KDM2A: variants seen among roughly 807,000 people sequenced by gnomAD.
KDM2A encodes lysine-specific demethylase 2A.
A neutral mutation model predicts 137.3 loss-of-function variants in KDM2A; 3 were observed. The ratio of observed to expected loss-of-function variants is 0.02; its 90% confidence interval spans 0.01 to 0.06. KDM2A has a LOEUF of 0.06. KDM2A is among the 10% of genes least tolerant of loss of function. The pLI is 1.00. For missense variants in KDM2A, 738 were observed against 1,510.6 expected (o/e 0.49, Z 8.48); for synonymous variants, 512 against 541.5 (o/e 0.95, Z 0.76).
rs202025193 is a variant in KDM2A, at chr11:67,250,350, C to T, written c.2320C>T (p.Arg774Trp). 3.5e-5 allele frequency: 57 copies of T among 1,613,800 alleles called. No homozygotes were observed. The highest frequency in any genetic ancestry group is 4.7e-5 in the Non-Finnish European group (55 of 1,179,896). ...RLQATERTMV[R>W]EKENNPSGKK... Reference sequence around the variant, plus strand: ...GCAGGCCACAGAGCGCACCATGGTACGGGAAAAGGAGAACAATCCCAGCGG... The same window carrying T: ...GCAGGCCACAGAGCGCACCATGGTATGGGAAAAGGAGAACAATCCCAGCGG... Residue 774 changes from arginine to tryptophan, a missense_variant, in exon 17 of 21, where the codon CGG becomes TGG. Coordinates refer to ENST00000529006, the MANE Select transcript of KDM2A (RefSeq NM_012308.3). This position sits in a 1 kb window ranked among gnomAD's most constrained non-coding sequence, Gnocchi z 7.1.
intron 5 of KDM2A, among the ~76,000 whole-genome samples, chr11:67,199,805 A>G (rs2136365867): frequency 6.6e-6 from 1 of 152,286 alleles, no homozygotes; most frequent in Non-Finnish European, 1.5e-5. Context: ...TAAACAACAG[A>G]TTTTCCATGT....
At position 67,245,458 on chromosome 11, in the gene KDM2A, A is replaced by G. The variant is rs887572949; in HGVS notation, c.1833A>G (p.Ala611=). ...KQSCVLRQCL[A]PRLPHSVTCS... is the part of the protein sequence containing the mutation. ...CCTGTGTCCTCCGACAGTGCTTGGCAGTGAGTGATCTGCTGGGTAAAGAAT... is the reference window on the plus strand; with the variant it reads ...CCTGTGTCCTCCGACAGTGCTTGGCGGTGAGTGATCTGCTGGGTAAAGAAT... The change falls in exon 14 of 21, where the codon GCA becomes GCG. Residue 611 remains alanine, a splice_region_variant and synonymous_variant. Transcript: ENST00000529006. The surrounding 1 kb of genome is among the most constrained non-coding windows in gnomAD (Gnocchi z 4.1). 1.2e-6 allele frequency: 2 copies of G among 1,612,724 alleles called. No homozygotes were observed. The highest frequency in any genetic ancestry group is 1.7e-6 in the Non-Finnish European group (2 of 1,179,450).
chr11:67,209,165 T>A (rs958564944), intron 6 of KDM2A, among the ~76,000 whole-genome samples: 8 of 151,854 alleles, frequency 5.3e-5, no homozygotes, highest in African/African-American at 1.9e-4. Context: ...ACTCCTGACC[T>A]CAAGTGATCG....
intron 5 of KDM2A, among the ~76,000 whole-genome samples, chr11:67,189,565 C>T (rs1401655630): frequency 2.6e-5 from 4 of 151,994 alleles, no homozygotes; most frequent in South Asian, 2.1e-4. Context: ...CTCGGCCGGG[C>T]GAGGTGGCTC....
chr11:67,209,249 G>A (rs780050547), intron 6 of KDM2A, among the ~76,000 whole-genome samples: 1 of 151,724 alleles, frequency 6.6e-6, no homozygotes, highest in Non-Finnish European at 1.5e-5. Context: ...AACTATTTTT[G>A]TATTAGTAAT....
intron 10 of KDM2A, among the ~76,000 whole-genome samples, chr11:67,219,842 C>T (rs1026502948): frequency 2.0e-5 from 3 of 151,982 alleles, no homozygotes; most frequent in Non-Finnish European, 4.4e-5. Flanking sequence ...TGAGCCACTG[C>T]GACTGGCCAA....
At chr11:67,235,295 T>A in intron 12 of KDM2A, among the ~76,000 whole-genome samples, 1 of 150,450 alleles carries the variant, frequency 6.6e-6, no homozygotes, top group East Asian at 1.9e-4. Flanking sequence ...GTTTTCCTAC[T>A]ATGAGAATTT....
At chr11:67,249,724 T>C (rs950188112) in intron 16 of KDM2A, among the ~76,000 whole-genome samples, 6 of 152,272 alleles carry the variant, frequency 3.9e-5, no homozygotes, top group Non-Finnish European at 5.9e-5. Flanking sequence ...TAGAAGCCAA[T>C]GGTGTTTACC....
chr11:67,224,377 G>A lies in KDM2A; in HGVS notation c.958-3660G>A, dbSNP rs562364090. On this transcript the variant is annotated intron_variant, in intron 10 of 20. Coordinates refer to ENST00000529006, the MANE Select transcript of KDM2A (RefSeq NM_012308.3). The stretch of plus-strand genomic sequence containing the variant: ...CCCAAGTACTTTTTGGGAGTTTGAA[G>A]CGAAGGATCACTTAATCCCAGGAGT... Among the ~76,000 whole-genome samples, 20 of 151,878 alleles carry A rather than the reference G, an allele frequency of 1.3e-4. No homozygotes were observed. In the South Asian group the frequency reaches 3.1e-3, roughly 24 times the overall value.
intron 6 of KDM2A, among the ~76,000 whole-genome samples, chr11:67,208,672 G>A (rs1397474345): frequency 6.6e-6 from 1 of 151,464 alleles, no homozygotes; most frequent in Non-Finnish European, 1.5e-5. Flanking sequence ...TCGGGAGGCT[G>A]AGGCATGAGA....
intron 5 of KDM2A, 27 bp downstream of exon 5, chr11:67,181,919 CT>C: frequency 1.2e-6 from 2 of 1,603,854 alleles, no homozygotes; most frequent in Non-Finnish European, 1.7e-6. Context: ...TGGCCTCTGT[CT>C]TTAAGGCAAA....
chr11:67,229,462 A>G (rs1292272576), intron 11 of KDM2A, among the ~76,000 whole-genome samples: 4 of 152,264 alleles, frequency 2.6e-5, no homozygotes, highest in Non-Finnish European at 2.9e-5. Flanking sequence ...ACTCAACACC[A>G]TAATATCCTG....
intron 17 of KDM2A, among the ~76,000 whole-genome samples, chr11:67,251,641 T>A (rs1353338469): frequency 6.6e-6 from 1 of 152,182 alleles, no homozygotes; most frequent in Non-Finnish European, 1.5e-5. Flanking sequence ...CAGAACCTCT[T>A]GGGTGGGCCC....
At chr11:67,193,151 G>A (rs982044846) in intron 5 of KDM2A, among the ~76,000 whole-genome samples, 4 of 151,914 alleles carry the variant, frequency 2.6e-5, no homozygotes, top group East Asian at 3.9e-4. Flanking sequence ...CACCACACCC[G>A]GCTCATTTTT....
chr11:67,201,207 T>TAA (rs1565400975), intron 5 of KDM2A, among the ~76,000 whole-genome samples: 1 of 40,364 alleles, frequency 2.5e-5, no homozygotes, highest in African/African-American at 7.6e-5. Context: ...AAAAAAAATA[T>TAA]ATATATATAT....
chr11:67,191,855 A>G (rs1164095199), intron 5 of KDM2A, among the ~76,000 whole-genome samples: 1 of 152,214 alleles, frequency 6.6e-6, no homozygotes, highest in East Asian at 1.9e-4. Flanking sequence ...CAAAAAAAGG[A>G]AAGAAAAGGC....
At chr11:67,229,396 G>A (rs1269183373) in intron 11 of KDM2A, among the ~76,000 whole-genome samples, 1 of 152,160 alleles carries the variant, frequency 6.6e-6, no homozygotes, top group Non-Finnish European at 1.5e-5. Context: ...TTAATTAGAT[G>A]ACAGTGTAGT....
intron 2 of KDM2A, among the ~76,000 whole-genome samples, chr11:67,151,156 G>C (rs747688453): frequency 7.2e-5 from 11 of 152,172 alleles, no homozygotes; most frequent in Non-Finnish European, 1.2e-4. Context: ...CGTTGCTTTA[G>C]GAGATACACA....
chr11:67,239,235 G>A (rs1858954408), intron 12 of KDM2A, among the ~76,000 whole-genome samples: 1 of 152,102 alleles, frequency 6.6e-6, no homozygotes, highest in Admixed American at 6.5e-5. Context: ...TGTGTTCCCT[G>A]GCTTCCTGCA....
Sources: allele counts gnomAD v4.1 joint callset (sites outside exome capture counted in the v4.1 genomes callset), GRCh38; gene constraint gnomAD v4.1.1; non-coding constraint Gnocchi (gnomAD v3.1); transcripts MANE v1.5; gene names NCBI Gene and HGNC (gene_info 2026-07-23, HGNC 2026-07-21).